Variants in NOSIP observed in about 807,000 individuals in gnomAD.
NOSIP encodes the protein nitric oxide synthase-interacting protein.
A neutral mutation model predicts 36.4 loss-of-function variants in NOSIP; 25 were observed. That is an observed-to-expected ratio of 0.69 (90% CI 0.50 to 0.96). The LOEUF is 0.96. Among genes scored for constraint, NOSIP ranks in the 40% least tolerant of loss-of-function variants. The pLI, the probability that NOSIP is intolerant of heterozygous loss-of-function variation, is 0.00. For synonymous variants in NOSIP, 187 were observed against 179.2 expected, an observed-to-expected ratio of 1.04 and a Z score of -0.35; for missense variants, 370 against 429.0, an observed-to-expected ratio of 0.86 and a Z score of 1.21.
Position 49,560,370 on chromosome 19 carries a change from A to G in NOSIP, c.70+252T>C, listed in dbSNP as rs1265326856. 1.7e-6 allele frequency: 1 copy of G among 580,788 alleles called. No individual in the cohort carries two copies. Among genetic ancestry groups the G allele is most frequent in the Non-Finnish European group, 3.1e-6 (1 of 325,154 alleles). 36.0% of individuals were successfully genotyped at this position (580,788 alleles called of 1,614,324 possible). ...GGGCCTCAGTTTCTTCCTCTGGAAC[A>G]TGGGGTAACAAGAGCACCCTCCCTG... is the stretch of plus-strand genomic sequence containing the variant. On this transcript the variant is annotated intron_variant, in intron 2 of 8. Coordinates refer to ENST00000596358, the MANE Select transcript of NOSIP (RefSeq NM_001270960.2). The surrounding 1 kb of genome is among the most constrained non-coding windows in gnomAD (Gnocchi z 4.6).
intron 1 of NOSIP, among the ~76,000 whole-genome samples, chr19:49,567,123 T>A (rs1054977651): frequency 4.7e-5 from 6 of 127,062 alleles, no homozygotes; most frequent in Non-Finnish European, 9.9e-5. Context: ...GCCAAAAAAC[T>A]TTTTTTTTTT....
At chr19:49,574,901 C>A (rs2080531325) in intron 1 of NOSIP, among the ~76,000 whole-genome samples, 1 of 143,406 alleles carries the variant, frequency 7.0e-6, no homozygotes, top group Admixed American at 7.3e-5. Context: ...TTCGCTCTGT[C>A]ACCCAGGCTG....
chr19:49,570,320 T>C (rs1351319389), intron 1 of NOSIP, among the ~76,000 whole-genome samples: 1 of 152,050 alleles, frequency 6.6e-6, no homozygotes, highest in East Asian at 1.9e-4. Context: ...AAAACTTGCC[T>C]TTCCCATTCA....
intron 4 of NOSIP, chr19:49,557,786 C>T: frequency 1.0e-6 from 1 of 988,728 alleles, no homozygotes. Context: ...GAGCTCAGCC[C>T]TGCCTGGCGC....
chr19:49,562,647 G>A (rs971246135), intron 1 of NOSIP, among the ~76,000 whole-genome samples: 13 of 152,122 alleles, frequency 8.5e-5, no homozygotes, highest in African/African-American at 1.4e-4. Context: ...TTGGGAAGCC[G>A]AGGCGGGGGC....
At position 49,558,702 on chromosome 19, in the gene NOSIP, C is replaced by G. The variant is rs2080290489; in HGVS notation, c.258+195G>C. 3 of 648,624 alleles carry G rather than the reference C, an allele frequency of 4.6e-6. No homozygotes were observed. In the African/African-American group the frequency reaches 5.4e-5, roughly 12 times the overall value. The allele number at this position is 648,624 out of a possible 1,614,324, so 40.2% of individuals were successfully genotyped here. A position where few individuals can be genotyped will look rare whatever the true frequency, so the allele number is the denominator to read the frequency against. On this transcript the variant is annotated intron_variant, in intron 4 of 8. Transcript: ENST00000596358. ...AGAGAAGAGGTGACTGGGGCAGATC[C>G]TGGGGACTGGCAGGAGCTCAGAGGA...
chr19:49,556,519 G>T, intron 7 of NOSIP, 30 bp downstream of exon 7: 1 of 1,605,884 alleles, frequency 6.2e-7, no homozygotes. Context: ...TTCCCGAGTG[G>T]TCCCTTCCCT....
At chr19:49,564,840 C>T (rs1424945909) in intron 1 of NOSIP, among the ~76,000 whole-genome samples, 1 of 152,160 alleles carries the variant, frequency 6.6e-6, no homozygotes, top group East Asian at 1.9e-4. Context: ...AGCAATGAGA[C>T]ACAACAGCCT....
chr19:49,578,574 G>A (rs1430371332), intron 1 of NOSIP, among the ~76,000 whole-genome samples: 1 of 152,094 alleles, frequency 6.6e-6, no homozygotes, highest in South Asian at 2.1e-4. Flanking sequence ...GGGAGGCCAA[G>A]GCAGGAGGAT....
intron 1 of NOSIP, among the ~76,000 whole-genome samples, chr19:49,568,798 G>A (rs1461189022): frequency 1.9e-5 from 2 of 106,896 alleles, no homozygotes; most frequent in African/African-American, 1.4e-4. Context: ...AAAAAAAATA[G>A]TTTGTTTGTT....
chr19:49,569,319 G>A (rs796231386), intron 1 of NOSIP, among the ~76,000 whole-genome samples: 9 of 149,556 alleles, frequency 6.0e-5, no homozygotes, highest in Admixed American at 3.3e-4. Flanking sequence ...TCAGCCTCCT[G>A]AGTAGCTGGG....
In NOSIP at chr19:49,566,027, CTTTT is replaced by C. The variant is rs577090472; in HGVS notation, c.-1-5339_-1-5336del. 2.7e-5 allele frequency among the ~76,000 whole-genome samples: 4 copies of C among 145,764 alleles called. No individual in the cohort carries two copies. In the East Asian group the frequency reaches 6.0e-4, roughly 22 times the overall value. ...TTTTTTCTTTCTTTCTTTTCTTCTT[CTTTT>C]TTTTTTTTGAGACAGTCTCGCTCTG... On this transcript the variant is annotated intron_variant, in intron 1 of 8. Coordinates refer to ENST00000596358, the MANE Select transcript of NOSIP (RefSeq NM_001270960.2).
intron 1 of NOSIP, among the ~76,000 whole-genome samples, chr19:49,568,659 AAG>A (rs1309715503): frequency 6.6e-6 from 1 of 151,984 alleles, no homozygotes; most frequent in Non-Finnish European, 1.5e-5. Context: ...AGATGAGTAA[AAG>A]AGGCTGGGTG....
Position 49,560,505 on chromosome 19 carries a change from G to A in NOSIP, c.70+117C>T, listed in dbSNP as rs2080318000. The A allele has an allele frequency of 1.3e-6, 1 of 740,852 alleles. No individual in the cohort carries two copies. Among genetic ancestry groups the A allele is most frequent in the African/African-American group, 1.8e-5 (1 of 56,704 alleles). 45.9% of individuals were successfully genotyped at this position (740,852 alleles called of 1,614,324 possible). A position where few individuals can be genotyped will look rare whatever the true frequency, so the allele number is the denominator to read the frequency against. On this transcript the variant is annotated intron_variant, in intron 2 of 8. Coordinates refer to ENST00000596358, the MANE Select transcript of NOSIP (RefSeq NM_001270960.2). The surrounding 1 kb of genome is among the most constrained non-coding windows in gnomAD (Gnocchi z 4.6). ...GTTGTTTACATGGTCATGGCCATCA[G>A]TGTATATCGGGGGCGGGAGAGAGAC... is the stretch of plus-strand genomic sequence containing the variant.
At chr19:49,562,110 C>T (rs2122809556) in intron 1 of NOSIP, among the ~76,000 whole-genome samples, 1 of 152,172 alleles carries the variant, frequency 6.6e-6, no homozygotes, top group African/African-American at 2.4e-5. Flanking sequence ...AGTAAACAGC[C>T]TGCATGCCTG....
intron 1 of NOSIP, among the ~76,000 whole-genome samples, chr19:49,573,530 A>G (rs1414808279): frequency 1.1e-4 from 16 of 152,136 alleles, no homozygotes; most frequent in Admixed American, 9.8e-4. Context: ...AGATGTCATG[A>G]TAGAATCAAT....
At chr19:49,557,430 G>A (rs2080270019) in intron 4 of NOSIP, 181 bp from the exon 5 acceptor site, 1 of 1,424,444 alleles carries the variant, frequency 7.0e-7, no homozygotes, top group Non-Finnish European at 9.1e-7. Flanking sequence ...TAGCCAGACT[G>A]CCAGGGCTCA....
chr19:49,557,001 G>T lies in NOSIP; in HGVS notation c.419-8C>A. 6.2e-7 allele frequency: 1 copy of T among 1,602,180 alleles called. No homozygotes were observed. Among genetic ancestry groups the T allele is most frequent in the African/African-American group, 1.3e-5 (1 of 74,876 alleles). ...GCCCAGGTTGGACATCATCTGTGGG[G>T]GAAGGAAGGGACTCAGATGCCGCCC... On this transcript the variant is annotated splice_polypyrimidine_tract_variant and splice_region_variant and intron_variant, in intron 5 of 8. Coordinates refer to ENST00000596358, the MANE Select transcript of NOSIP (RefSeq NM_001270960.2).
intron 1 of NOSIP, chr19:49,566,808 C>CATATATATATATATATATATATATAT (rs1568407436): frequency 8.0e-6 from 1 of 124,420 alleles, no homozygotes; most frequent in African/African-American, 3.3e-5. Context: ...TATATATATA[C>CATATATATATATATATATATATATAT]ACACATACTA....
Sources: allele counts gnomAD v4.1 joint callset (sites outside exome capture counted in the v4.1 genomes callset), GRCh38; gene constraint gnomAD v4.1.1; non-coding constraint Gnocchi (gnomAD v3.1); transcripts MANE v1.5; gene names NCBI Gene and HGNC (gene_info 2026-07-23, HGNC 2026-07-21).